The following FBXL5 variants were observed in gnomAD, a reference collection of about 807,000 sequenced individuals.
FBXL5 encodes the protein F-box and leucine rich repeat protein 5.
In FBXL5, 26 loss-of-function variants were observed where a neutral mutation model predicts 78.3. The ratio of observed to expected loss-of-function variants is 0.33; its 90% CI spans 0.24 to 0.46. FBXL5 has a LOEUF of 0.46. FBXL5 is among the 20% of genes least tolerant of loss of function. The pLI is 1.00. For missense variants in FBXL5, 710 were observed against 829.2 expected (o/e 0.86, Z 1.77); for synonymous variants, 295 against 282.5 (o/e 1.04, Z -0.45).
intron 1 of FBXL5, among the ~76,000 whole-genome samples, chr4:15,648,401 A>C (rs1355990722): frequency 6.6e-6 from 1 of 152,200 alleles, no homozygotes; most frequent in Non-Finnish European, 1.5e-5. Context: ...AAAGTAAATA[A>C]AATTAGGATC....
chr4:15,650,666 T>C (rs1269060099), intron 1 of FBXL5, among the ~76,000 whole-genome samples: 8 of 139,868 alleles, frequency 5.7e-5, no homozygotes, highest in East Asian at 2.0e-4. Flanking sequence ...ACTTTCTTTT[T>C]TTTTTTTTTT....
intron 2 of FBXL5, among the ~76,000 whole-genome samples, chr4:15,644,074 T>A (rs1715148491): frequency 6.6e-6 from 1 of 152,248 alleles, no homozygotes; most frequent in Non-Finnish European, 1.5e-5. Flanking sequence ...ATTGGTTTAG[T>A]GAAAAATCTC....
chr4:15,680,908 A>T (rs1718222746), intron 1 of FBXL5, among the ~76,000 whole-genome samples: 1 of 148,872 alleles, frequency 6.7e-6, no homozygotes, highest in Non-Finnish European at 1.5e-5. Flanking sequence ...AGCAGTATAT[A>T]TTATATATAT....
chr4:15,644,763 T>A, intron 1 of FBXL5, 55 bp from the exon 2 acceptor site: 1 of 1,284,650 alleles, frequency 7.8e-7, no homozygotes. Context: ...TATGCACAAA[T>A]AAAAAATATT....
chr4:15,615,080 C>A (rs1431855207), intron 9 of FBXL5, among the ~76,000 whole-genome samples: 6 of 152,178 alleles, frequency 3.9e-5, no homozygotes, highest in Admixed American at 3.9e-4. Flanking sequence ...GGAGGGTGTA[C>A]TGGGTCCCCC....
At chr4:15,679,346 C>G (rs183393706) in intron 1 of FBXL5, among the ~76,000 whole-genome samples, 3 of 151,996 alleles carry the variant, frequency 2.0e-5, no homozygotes, top group African/African-American at 7.2e-5. Context: ...GCCACCATGT[C>G]GGGCTAAAAT....
intron 2 of FBXL5, among the ~76,000 whole-genome samples, chr4:15,641,815 T>A (rs980079845): frequency 6.6e-6 from 1 of 151,974 alleles, no homozygotes; most frequent in South Asian, 2.1e-4. Flanking sequence ...TCACCTGAGG[T>A]CAGGAGTTCA....
At chr4:15,621,601 A>C (rs1712486217) in intron 9 of FBXL5, among the ~76,000 whole-genome samples, 1 of 152,218 alleles carries the variant, frequency 6.6e-6, no homozygotes, top group Admixed American at 6.5e-5. Context: ...CTTGAAACAC[A>C]CTAAGTGAAA....
intron 1 of FBXL5, among the ~76,000 whole-genome samples, chr4:15,644,926 G>A (rs1296422837): frequency 2.0e-5 from 3 of 152,126 alleles, no homozygotes; most frequent in Admixed American, 6.6e-5. Flanking sequence ...TGGAGGGCCT[G>A]GTGACACAGA....
intron 1 of FBXL5, among the ~76,000 whole-genome samples, chr4:15,678,546 A>G (rs1335570036): frequency 6.6e-6 from 1 of 152,252 alleles, no homozygotes; most frequent in Non-Finnish European, 1.5e-5. Flanking sequence ...ATATACATTT[A>G]CATAGTCTCA....
intron 1 of FBXL5, among the ~76,000 whole-genome samples, chr4:15,671,554 G>A (rs1238569760): frequency 2.0e-5 from 3 of 152,256 alleles, no homozygotes; most frequent in Non-Finnish European, 2.9e-5. Context: ...AATTACAGGC[G>A]TGAGCCACCA....
At chr4:15,656,101 AG>A, upstream of FBXL5, 1 of 446,224 alleles carries the variant, frequency 2.2e-6, no homozygotes, top group Non-Finnish European at 4.5e-6. Flanking sequence ...AACGCGGGTC[AG>A]GGATAGGCCC....
intron 5 of FBXL5, among the ~76,000 whole-genome samples, chr4:15,632,823 T>C (rs1713818509): frequency 6.6e-6 from 1 of 152,166 alleles, no homozygotes; most frequent in South Asian, 2.1e-4. Context: ...GATGGGGTTT[T>C]CCAAATATAC....
intron 1 of FBXL5, 134 bp downstream of exon 1, chr4:15,655,070 G>C (rs1179092340): frequency 5.1e-6 from 3 of 589,162 alleles, no homozygotes; most frequent in Non-Finnish European, 7.0e-6. Context: ...GGCGCTGACA[G>C]CTGCGCAGGC....
intron 3 of FBXL5, 136 bp from the exon 4 acceptor site, chr4:15,638,830 CACT>C (rs1285825000): frequency 2.4e-5 from 14 of 577,550 alleles, no homozygotes; most frequent in Admixed American, 1.1e-4. Context: ...TAGCTGTCAC[CACT>C]GAGTTAGTTT....
intron 10 of FBXL5, among the ~76,000 whole-genome samples, chr4:15,607,443 C>CTTATTTTAACATTG (rs1721966432): frequency 6.6e-6 from 1 of 151,920 alleles, no homozygotes; most frequent in Non-Finnish European, 1.5e-5. Context: ...ATTATTTTCC[C>CTTATTTTAACATTG]TTAAAATAAG....
chr4:15,640,393 GA>G (rs33987840), intron 3 of FBXL5, among the ~76,000 whole-genome samples: 32 of 91,598 alleles, frequency 3.5e-4, no homozygotes, highest in South Asian at 1.2e-3. Flanking sequence ...CTACACTACT[GA>G]AAAAAAAAAA....
At chr4:15,634,065 G>A (rs1713970782) in intron 5 of FBXL5, among the ~76,000 whole-genome samples, 1 of 152,068 alleles carries the variant, frequency 6.6e-6, no homozygotes, top group South Asian at 2.1e-4. Context: ...GATACCCAAA[G>A]ATGGGGCAAA....
chr4:15,679,584 A>C (rs946593777), intron 1 of FBXL5, among the ~76,000 whole-genome samples: 2 of 151,748 alleles, frequency 1.3e-5, no homozygotes, highest in African/African-American at 4.8e-5. Context: ...AAAACAAAAA[A>C]ACAAAAAACC....
Sources: gnomAD v4.1 joint callset for allele counts (sites outside exome capture counted in the v4.1 genomes callset) on GRCh38, gnomAD v4.1.1 for gene constraint, MANE v1.5 for transcripts, NCBI Gene and HGNC (gene_info 2026-07-23, HGNC 2026-07-21) for gene names.